The following CDH13 variants were observed in gnomAD, a reference collection of about 807,000 sequenced individuals.
The protein encoded by CDH13 is cadherin 13.
Under a neutral mutation model 63.8 loss-of-function variants are expected in CDH13, and 24 were observed. The observed-to-expected ratio is 0.38, with a 90% CI of 0.27 to 0.53. The LOEUF (loss-of-function observed/expected upper bound fraction) is 0.53. Ranked by LOEUF, CDH13 falls within the 20% of genes least tolerant of loss-of-function variation. The pLI is 0.85. For missense variants in CDH13, 1,049 were observed against 903.1 expected (o/e 1.16, Z -2.07); for synonymous variants, 503 against 355.3 (o/e 1.42, Z -4.67).
At chr16:83,277,748 C>A (rs541353540) in intron 5 of CDH13, among the ~76,000 whole-genome samples, 78 of 152,116 alleles carry the variant, frequency 5.1e-4, no homozygotes, top group Admixed American at 1.6e-3. Context: ...ACTATATTTT[C>A]TTTTGTTTAG....
At chr16:83,785,224 G>T (rs907123941) in intron 13 of CDH13, among the ~76,000 whole-genome samples, 1 of 152,206 alleles carries the variant, frequency 6.6e-6, no homozygotes, top group African/African-American at 2.4e-5. Context: ...TAACAGAGAT[G>T]TATTGCTCAT....
chr16:83,678,320 T>C lies in CDH13; in HGVS notation c.1397T>C (p.Ile466Thr). 1 of 1,613,966 alleles carries C rather than the reference T, an allele frequency of 6.2e-7. No individual in the cohort carries two copies. The highest frequency in any genetic ancestry group is 8.5e-7 in the Non-Finnish European group (1 of 1,179,892). The change falls in exon 10 of 14, where the codon ATC becomes ACC. Residue 466 changes from isoleucine (I) to threonine (T), a missense_variant. Physicochemically the swap from Ile to Thr is moderately conservative, Grantham distance 89. Transcript: ENST00000567109. ...YGPSSTATVHITVLDVNEGPV... is the reference protein window; with the variant it reads ...YGPSSTATVHTTVLDVNEGPV... Reference sequence around the variant, plus strand: ...CCCAGCTCCACAGCCACCGTCCACATCACTGTCCTGGATGTCAACGAGGGC... The same window carrying C: ...CCCAGCTCCACAGCCACCGTCCACACCACTGTCCTGGATGTCAACGAGGGC...
chr16:83,210,624 G>A (rs1167643452), intron 4 of CDH13, among the ~76,000 whole-genome samples: 1 of 152,056 alleles, frequency 6.6e-6, no homozygotes, highest in Admixed American at 6.5e-5. Context: ...TTAAGGAGCA[G>A]AGGATAGAGG....
At chr16:82,707,027 C>G (rs2031548023) in intron 1 of CDH13, among the ~76,000 whole-genome samples, 1 of 152,184 alleles carries the variant, frequency 6.6e-6, no homozygotes, top group African/African-American at 2.4e-5. Context: ...CAGGGGCTGT[C>G]ACAGAAGCCT....
At chr16:83,494,155 T>G (rs985615801) in intron 7 of CDH13, among the ~76,000 whole-genome samples, 6 of 152,340 alleles carry the variant, frequency 3.9e-5, no homozygotes, top group African/African-American at 1.2e-4. Flanking sequence ...CTTTTTGGTA[T>G]TTTATATGGT....
intron 2 of CDH13, among the ~76,000 whole-genome samples, chr16:82,882,493 G>A (rs2040739871): frequency 6.6e-6 from 1 of 152,232 alleles, no homozygotes; most frequent in South Asian, 2.1e-4. Flanking sequence ...CTAACCAGCT[G>A]TGAACCATGG....
At chr16:83,416,489 T>G (rs11640711) in intron 6 of CDH13, among the ~76,000 whole-genome samples, 65,959 of 152,038 alleles carry the variant, frequency 0.43, 14,622 homozygotes, top group South Asian at 0.53. Context: ...TTCTTGTGCC[T>G]CTCATGTTTA....
intron 1 of CDH13, among the ~76,000 whole-genome samples, chr16:82,787,309 A>C (rs1214944468): frequency 1.3e-5 from 2 of 152,212 alleles, no homozygotes; most frequent in African/African-American, 4.8e-5. Flanking sequence ...GTCAAAAAAC[A>C]AACAACTTTC....
At chr16:83,362,780 C>T (rs761804423) in intron 6 of CDH13, among the ~76,000 whole-genome samples, 4 of 152,192 alleles carry the variant, frequency 2.6e-5, no homozygotes, top group Admixed American at 6.5e-5. Context: ...CACTTTTATA[C>T]TTATTCGGCG....
intron 6 of CDH13, among the ~76,000 whole-genome samples, chr16:83,356,411 T>C (rs1049409846): frequency 1.1e-4 from 17 of 152,136 alleles, no homozygotes; most frequent in Admixed American, 7.2e-4. Flanking sequence ...GTTTGAGAGA[T>C]GCTCAACAAC....
At chr16:83,769,707 C>T (rs1319375449) in intron 11 of CDH13, among the ~76,000 whole-genome samples, 1 of 152,014 alleles carries the variant, frequency 6.6e-6, no homozygotes, top group East Asian at 1.9e-4. Context: ...TGAGGCCACC[C>T]CAGAAGTGGG....
intron 3 of CDH13, among the ~76,000 whole-genome samples, chr16:83,033,958 C>G (rs1220283262): frequency 6.6e-6 from 1 of 152,082 alleles, no homozygotes; most frequent in Non-Finnish European, 1.5e-5. Context: ...AGCCACATCC[C>G]TGCTTGATCT....
intron 1 of CDH13, among the ~76,000 whole-genome samples, chr16:82,769,497 G>T (rs1329734913): frequency 6.6e-6 from 1 of 152,204 alleles, no homozygotes; most frequent in Non-Finnish European, 1.5e-5. Context: ...CTGTCTTTAT[G>T]GAGGCCACGT....
intron 2 of CDH13, chr16:82,954,451 A>G (rs1905754021): frequency 6.6e-6 from 1 of 152,164 alleles, no homozygotes; most frequent in Non-Finnish European, 1.5e-5. Context: ...CCGTCCTACA[A>G]GAGAGGAAGT....
At chr16:83,216,570 G>A (rs1274863878) in intron 4 of CDH13, among the ~76,000 whole-genome samples, 4 of 139,832 alleles carry the variant, frequency 2.9e-5, no homozygotes, top group Non-Finnish European at 6.1e-5. Context: ...ATAATATGTA[G>A]GGTTTAATAT....
chr16:83,377,543 C>G (rs894368352), intron 6 of CDH13, among the ~76,000 whole-genome samples: 4 of 152,166 alleles, frequency 2.6e-5, no homozygotes, highest in South Asian at 4.1e-4. Context: ...TATTATTTCA[C>G]TCATCCTTTA....
At chr16:83,622,882 G>A (rs552229033) in intron 8 of CDH13, among the ~76,000 whole-genome samples, 1 of 152,296 alleles carries the variant, frequency 6.6e-6, no homozygotes, top group South Asian at 2.1e-4. Flanking sequence ...ACAGGCTGCG[G>A]GCTGAAGGCT....
chr16:83,757,726 A>G (rs1913630868), intron 11 of CDH13, among the ~76,000 whole-genome samples: 1 of 152,184 alleles, frequency 6.6e-6, no homozygotes, highest in Non-Finnish European at 1.5e-5. Flanking sequence ...AGGGAAAATG[A>G]CTATAGCCAT....
At chr16:83,442,182 G>A (rs1348930550) in intron 6 of CDH13, among the ~76,000 whole-genome samples, 1 of 152,150 alleles carries the variant, frequency 6.6e-6, no homozygotes, top group Non-Finnish European at 1.5e-5. Context: ...TTCACTGAGT[G>A]CCTTAATGGG....
Sources: gnomAD v4.1 joint callset for allele counts (sites outside exome capture counted in the v4.1 genomes callset) on GRCh38, gnomAD v4.1.1 for gene constraint, MANE v1.5 for transcripts, NCBI Gene and HGNC (gene_info 2026-07-23, HGNC 2026-07-21) for gene names.